The following ANK1 variants were observed in gnomAD, a reference collection of about 807,000 sequenced individuals.
ANK1 encodes the protein ankyrin 1.
ANK1 carries 51 observed loss-of-function variants against 210.4 expected under a neutral mutation model. That is an observed-to-expected ratio of 0.24 (90% CI 0.19 to 0.31). The LOEUF (loss-of-function observed/expected upper bound fraction) is 0.31. Among genes scored for constraint, ANK1 ranks in the 10% least tolerant of loss-of-function variants. The probability of loss-of-function intolerance (pLI) is 1.00; values close to 1 mark genes in which losing one functional copy is unlikely to be tolerated. For synonymous variants in ANK1, 967 were observed against 1,025.9 expected (o/e 0.94, Z 1.10); for missense variants, 2,051 against 2,504.4 (o/e 0.82, Z 3.86).
At chr8:41,712,794 T>G (rs1826509723) in intron 16 of ANK1, among the ~76,000 whole-genome samples, 1 of 152,214 alleles carries the variant, frequency 6.6e-6, no homozygotes, top group South Asian at 2.1e-4. Flanking sequence ...GTACAGGGTT[T>G]GTGCTTGGAT....
intron 10 of ANK1, among the ~76,000 whole-genome samples, chr8:41,718,965 G>A (rs1329919200): frequency 1.3e-5 from 2 of 152,240 alleles, no homozygotes; most frequent in African/African-American, 4.8e-5. Flanking sequence ...ACTGCTCAGT[G>A]AAAGCTTTTT....
At chr8:41,773,494 T>A (rs148507194) in intron 1 of ANK1, among the ~76,000 whole-genome samples, 43 of 152,316 alleles carry the variant, frequency 2.8e-4, no homozygotes, top group African/African-American at 9.6e-4. Context: ...ATATTGACTG[T>A]CCTTCCAAAG....
At position 41,654,549 on chromosome 8, in the gene ANK1, C is replaced by T. The variant is rs1805077177; in HGVS notation, c.*1241G>A. 6.6e-6 allele frequency: 1 copy of T among 152,542 alleles called. No homozygotes were observed. The highest frequency in any genetic ancestry group is 2.4e-5 in the African/African-American group (1 of 41,454). 9.4% of individuals were successfully genotyped at this position (152,542 alleles called of 1,614,324 possible). A position where few individuals can be genotyped will look rare whatever the true frequency, so the allele number is the denominator to read the frequency against. On this transcript the variant is annotated 3_prime_UTR_variant, in exon 43 of 43. Coordinates refer to ENST00000289734, the MANE Select transcript of ANK1 (RefSeq NM_000037.4). The stretch of plus-strand genomic sequence containing the variant: ...TCACTCTGGGAGACCCTGGGTGGTC[C>T]TGACTTCTAAGACCTGGCAGATACA...
chr8:41,702,536 A>G (rs1475541810), intron 20 of ANK1, among the ~76,000 whole-genome samples: 1 of 152,216 alleles, frequency 6.6e-6, no homozygotes, highest in Non-Finnish European at 1.5e-5. Context: ...TGCTGCTCCC[A>G]AAGTCTGTTC....
rs568715767 is a variant in ANK1, at chr8:41,846,971, A to G, written c.126+49384T>C. ...CCACTCCCTGCAACGTTCACAGAGT[A>G]CCATTACCATCGCCTCTCATGGGGT... is the stretch of plus-strand genomic sequence containing the variant. On this transcript the variant is annotated intron_variant, in intron 1 of 42. Transcript: ENST00000265709. Among the ~76,000 whole-genome samples, 122 of 152,328 alleles carry G rather than the reference A, an allele frequency of 8.0e-4. 1 individual carries two copies. The highest frequency in any genetic ancestry group is 2.8e-3 in the African/African-American group (118 of 41,574).
At chr8:41,682,629 T>G (rs1816417694) in intron 37 of ANK1, among the ~76,000 whole-genome samples, 1 of 152,188 alleles carries the variant, frequency 6.6e-6, no homozygotes, top group African/African-American at 2.4e-5. Context: ...TGAGAACCAC[T>G]CGGGCAAGAA....
chr8:41,821,010 T>C (rs1804174305), intron 1 of ANK1, among the ~76,000 whole-genome samples: 1 of 152,178 alleles, frequency 6.6e-6, no homozygotes, highest in African/African-American at 2.4e-5. Flanking sequence ...ATATAGACAA[T>C]TTTACTAACG....
intron 10 of ANK1, 81 bp downstream of exon 10, chr8:41,719,580 A>C: frequency 1.1e-5 from 18 of 1,588,740 alleles, no homozygotes; most frequent in Non-Finnish European, 1.5e-5. Flanking sequence ...CGCCCTTCCC[A>C]CAGGCCCAGC....
Position 41,716,950 on chromosome 8 carries a change from C to T in ANK1, c.1404+3G>A. The T allele has an allele frequency of 6.2e-7, 1 of 1,613,876 alleles. No individual in the cohort carries two copies. Among genetic ancestry groups the T allele is most frequent in the South Asian group, 1.1e-5 (1 of 91,056 alleles). Reference sequence around the variant, plus strand: ...CCCTTCCCTTCCTGCCTTCACTACTCACCTTGGCCTTGGCATTGACTTTGG... The same window carrying T: ...CCCTTCCCTTCCTGCCTTCACTACTTACCTTGGCCTTGGCATTGACTTTGG... On this transcript the variant is annotated splice_donor_region_variant and intron_variant, in intron 13 of 42. Coordinates refer to ENST00000289734, the MANE Select transcript of ANK1 (RefSeq NM_000037.4).
chr8:41,824,627 G>A (rs1198800970), intron 1 of ANK1, among the ~76,000 whole-genome samples: 1 of 152,184 alleles, frequency 6.6e-6, no homozygotes, highest in African/African-American at 2.4e-5. Context: ...ATAAAGATGG[G>A]TCACGAATTC....
chr8:41,689,673 G>A (rs567740202), intron 33 of ANK1, among the ~76,000 whole-genome samples: 64 of 152,200 alleles, frequency 4.2e-4, no homozygotes, highest in Admixed American at 7.2e-4. Context: ...TACAGGTATC[G>A]ACAAATGAAC....
chr8:41,834,061 A>G (rs986821179), intron 1 of ANK1, among the ~76,000 whole-genome samples: 1 of 152,186 alleles, frequency 6.6e-6, no homozygotes, highest in Non-Finnish European at 1.5e-5. Context: ...GTGAGAGGGC[A>G]CCAGATGGAG....
chr8:41,686,020 G>A (rs780207542), intron 36 of ANK1, 132 bp downstream of exon 36: 20 of 1,419,358 alleles, frequency 1.4e-5, no homozygotes, highest in Non-Finnish European at 1.8e-5. Flanking sequence ...TGCGAGTGGT[G>A]CGTGAGTGTG....
chr8:41,870,705 A>G (rs1815305918), intron 1 of ANK1, among the ~76,000 whole-genome samples: 1 of 152,230 alleles, frequency 6.6e-6, no homozygotes, highest in Admixed American at 6.5e-5. Flanking sequence ...GAGCTGGAAG[A>G]GGCTGGCAGA....
chr8:41,856,079 G>T (rs1812128920), intron 1 of ANK1, among the ~76,000 whole-genome samples: 1 of 152,158 alleles, frequency 6.6e-6, no homozygotes, highest in Non-Finnish European at 1.5e-5. Flanking sequence ...GAGAAATCTG[G>T]TTTTTGTGCC....
At position 41,714,203 on chromosome 8, in the gene ANK1, C is replaced by T. The variant is rs745525088; in HGVS notation, c.1753G>A (p.Val585Ile). The T allele has an allele frequency of 1.3e-5, 20 of 1,500,976 alleles. No individual in the cohort carries two copies. The East Asian group carries it at 2.8e-4, about 21-fold the overall frequency. The allele number at this position is 1,500,976 out of a possible 1,614,324, so 93.0% of individuals were successfully genotyped here. Residue 585 changes from valine to isoleucine, a missense_variant, in exon 16 of 43, where the codon GTC (valine) becomes ATC (isoleucine). Val to Ile is a conservative substitution (Grantham distance 29). Coordinates refer to ENST00000289734, the MANE Select transcript of ANK1 (RefSeq NM_000037.4). ...CCGCCCCGGGGAAGCAGCAGCTTGACGATGTCCAGGTTGTTGTGATGGACG... is the reference window on the plus strand; with the variant it reads ...CCGCCCCGGGGAAGCAGCAGCTTGATGATGTCCAGGTTGTTGTGATGGACG... ...VAVHHNNLDIVKLLLPRGGSP... is the reference protein window; with the variant it reads ...VAVHHNNLDIIKLLLPRGGSP...
chr8:41,735,915 AC>A (rs147467717), intron 2 of ANK1, among the ~76,000 whole-genome samples: 4,182 of 152,162 alleles, frequency 0.027, 95 homozygotes, highest in African/African-American at 0.062. Flanking sequence ...GCAGCCCTGC[AC>A]CCTTGCCTAT....
At chr8:41,773,945 C>A (rs1281207161) in intron 1 of ANK1, among the ~76,000 whole-genome samples, 1 of 152,206 alleles carries the variant, frequency 6.6e-6, no homozygotes, top group African/African-American at 2.4e-5. Flanking sequence ...CACTGTTTCC[C>A]ATCAAATAAC....
chr8:41,684,545 A>G lies in ANK1; in HGVS notation c.4536T>C (p.Asn1512=), dbSNP rs1817115557. 6.2e-7 allele frequency: 1 copy of G among 1,613,748 alleles called. No homozygotes were observed. The highest frequency in any genetic ancestry group is 8.5e-7 in the Non-Finnish European group (1 of 1,180,036). ...RDYSLSPSQM[N]GYSSLQDELL... ...CCATCTGGTCCAGGTGACACTCACC[A>G]TTCATCTGGGAGGGTGACAGCGAGT... The change falls in exon 37 of 43, where the codon AAT becomes AAC. Residue 1512 remains asparagine, a splice_region_variant and synonymous_variant. Transcript: ENST00000289734.
Sources: gnomAD v4.1 joint callset for allele counts (sites outside exome capture counted in the v4.1 genomes callset) on GRCh38, gnomAD v4.1.1 for gene constraint, MANE v1.5 for transcripts, NCBI Gene and HGNC (gene_info 2026-07-23, HGNC 2026-07-21) for gene names.